USHBP1: variants seen among roughly 807,000 people sequenced by gnomAD.
USHBP1 encodes harmonin-binding protein USHBP1.
USHBP1 carries 67 observed loss-of-function variants against 76.2 expected under a neutral mutation model. That is an observed-to-expected ratio of 0.88 (90% CI 0.72 to 1.08). The LOEUF (loss-of-function observed/expected upper bound fraction) is 1.08, where lower values mean the gene tolerates loss of function less well. Ranked by LOEUF, USHBP1 falls within the 50% of genes least tolerant of loss-of-function variation. USHBP1 has a pLI of 0.00. For missense variants in USHBP1, 931 were observed against 915.0 expected, an observed-to-expected ratio of 1.02 and a Z score of -0.23; for synonymous variants, 322 against 362.2, an observed-to-expected ratio of 0.89 and a Z score of 1.26.
At chr19:17,263,766 G>GA (rs2073718919) in intron 3 of USHBP1, 2 of 493,792 alleles carry the variant, frequency 4.1e-6, no homozygotes, top group South Asian at 7.8e-5. Context: ...CAACTACTCA[G>GA]GAAGCTGAGG....
intron 7 of USHBP1, 64 bp from the exon 8 acceptor site, chr19:17,258,449 C>G (rs2073648282): frequency 1.9e-6 from 3 of 1,556,474 alleles, no homozygotes; most frequent in Middle Eastern, 2.0e-4. Flanking sequence ...TGGCCCTCAC[C>G]TGTAGTCCCA....
chr19:17,259,232 T>C (rs1214531133), intron 7 of USHBP1, 57 bp downstream of exon 7: 2 of 1,543,596 alleles, frequency 1.3e-6, no homozygotes, highest in Non-Finnish European at 1.7e-6. Context: ...ATTGGGGCCA[T>C]CCTCAGAAAG....
chr19:17,254,656 C>CAA (rs77870417), intron 10 of USHBP1, among the ~76,000 whole-genome samples: 2 of 124,090 alleles, frequency 1.6e-5, no homozygotes, highest in African/African-American at 3.0e-5. Flanking sequence ...AACTCTGTCT[C>CAA]AAAAAAAAAA....
intron 1 of USHBP1, 27 bp from the exon 2 acceptor site, chr19:17,264,374 T>G: frequency 6.7e-7 from 1 of 1,483,036 alleles, no homozygotes; most frequent in Non-Finnish European, 9.1e-7. Context: ...CCATGAGCTC[T>G]TGCCTTTGTT....
rs201528202 is a variant in USHBP1 at position 17,256,476 on chromosome 19, C to A, written c.1465G>T (p.Ala489Ser). ...TGGCCACAGCCCATTTGTACCCTTG[C>A]GGCCACCAGGTCCTGCTGAATTTGT... ...KTQIQQDLVA[A>S]REALADLMLR... The change falls in exon 9 of 13, where the codon GCA (alanine) becomes TCA (serine). Residue 489 changes from alanine to serine, a missense_variant. Transcript: ENST00000252597. The A allele has an allele frequency of 9.3e-6, 15 of 1,613,268 alleles. No homozygotes were observed. The highest frequency in any genetic ancestry group is 1.2e-5 in the Non-Finnish European group (14 of 1,180,008).
rs150517308 is a variant in USHBP1, at chr19:17,258,402, C to G, written c.1047-17G>C. 3.5e-3 allele frequency: 5,567 copies of G among 1,609,094 alleles called. 21 individuals carry two copies. Among genetic ancestry groups the G allele is most frequent in the Middle Eastern group, 0.012 (70 of 5,950 alleles). On this transcript the variant is annotated splice_polypyrimidine_tract_variant and intron_variant, in intron 7 of 12. Coordinates refer to ENST00000252597, the MANE Select transcript of USHBP1 (RefSeq NM_031941.4). The stretch of plus-strand genomic sequence containing the variant: ...CAGTGTTCACTGTGGGACACTGGTT[C>G]TGAGTGCTTCAGGACACTCAGCTCG...
At position 17,264,714 on chromosome 19, in the gene USHBP1, C is replaced by G; in HGVS notation, c.-92G>C. The G allele has an allele frequency of 4.9e-6, 1 of 205,322 alleles. No individual in the cohort carries two copies. The highest frequency in any genetic ancestry group is 1.0e-5 in the Non-Finnish European group (1 of 100,428). 12.7% of individuals were successfully genotyped at this position (205,322 alleles called of 1,614,324 possible). Reference sequence around the variant, plus strand: ...GTAACTTGATCAGAGGCCTGAGTCCCGGGACACTCTGTTGGGGTCACTCTG... The same window carrying G: ...GTAACTTGATCAGAGGCCTGAGTCCGGGGACACTCTGTTGGGGTCACTCTG... On this transcript the variant is annotated 5_prime_UTR_variant, in exon 1 of 13. Coordinates refer to ENST00000252597, the MANE Select transcript of USHBP1 (RefSeq NM_031941.4).
chr19:17,250,861 T>C (rs1188293178), intron 12 of USHBP1, among the ~76,000 whole-genome samples: 1 of 150,150 alleles, frequency 6.7e-6, no homozygotes, highest in Non-Finnish European at 1.5e-5. Flanking sequence ...GCCTGTTTTT[T>C]CTTGTTGTTG....
intron 10 of USHBP1, among the ~76,000 whole-genome samples, chr19:17,254,641 A>T (rs1187705872): frequency 6.6e-6 from 1 of 150,678 alleles, no homozygotes; most frequent in East Asian, 2.0e-4. Context: ...GGGCAACAAG[A>T]GCAAAACTCT....
chr19:17,250,834 G>T (rs556824030), intron 12 of USHBP1, among the ~76,000 whole-genome samples: 3 of 151,962 alleles, frequency 2.0e-5, no homozygotes, highest in African/African-American at 7.3e-5. Flanking sequence ...GATTACAGGC[G>T]TGAGCCACCA....
chr19:17,259,769 C>A (rs754428559), intron 5 of USHBP1, 37 bp from the exon 6 acceptor site: 2 of 1,584,476 alleles, frequency 1.3e-6, no homozygotes, highest in South Asian at 2.3e-5. Context: ...CCCCAATTGT[C>A]ACCAAGAGCC....
intron 12 of USHBP1, among the ~76,000 whole-genome samples, chr19:17,250,740 G>T (rs118135411): frequency 0.057 from 8,668 of 152,014 alleles, 347 homozygotes; most frequent in Middle Eastern, 0.19. Context: ...TTTTAATAGA[G>T]ACAGGGTTTG....
chr19:17,255,576 G>T lies in USHBP1; in HGVS notation c.1501C>A (p.Gln501Lys). The T allele has an allele frequency of 1.2e-6, 2 of 1,612,384 alleles. No homozygotes were observed. The highest frequency in any genetic ancestry group is 1.7e-6 in the Non-Finnish European group (2 of 1,179,030). ...EALADLMLRL[Q>K]LVRREKRGLE... Reference sequence around the variant, plus strand: ...CCCCGCTTCTCACGCCGCACCAGCTGCAGCCGAAGCATCAGGTCCGCCAGG... The same window carrying T: ...CCCCGCTTCTCACGCCGCACCAGCTTCAGCCGAAGCATCAGGTCCGCCAGG... Residue 501 changes from glutamine (Q) to lysine (K), a missense_variant, in exon 10 of 13, where the codon CAG becomes AAG. Coordinates refer to ENST00000252597, the MANE Select transcript of USHBP1 (RefSeq NM_031941.4).
chr19:17,250,353 C>G lies in USHBP1; in HGVS notation c.1984G>C (p.Glu662Gln). The change falls in exon 13 of 13, where the codon GAG becomes CAG. Residue 662 changes from glutamate to glutamine, a missense_variant. Glu to Gln is a conservative substitution (Grantham distance 29). Transcript: ENST00000252597. The part of the protein sequence containing the change: ...RKQEEQRRKL[E>Q]QQMALMEAQQ... ...GCCTCCATGAGTGCCATCTGCTGCT[C>G]CAACTTCCGGCGTTGCTCTTCCTGC... 1 of 1,613,838 alleles carries G rather than the reference C, an allele frequency of 6.2e-7. No homozygotes were observed. Among genetic ancestry groups the G allele is most frequent in the Non-Finnish European group, 8.5e-7 (1 of 1,179,958 alleles).
rs201874448 is a variant in USHBP1 at position 17,259,660 on chromosome 19, G to C, written c.841C>G (p.Leu281Val). The C allele has an allele frequency of 3.1e-6, 5 of 1,614,108 alleles. No homozygotes were observed. In the East Asian group the frequency reaches 8.9e-5, roughly 29 times the overall value. ...SHSSTQILGS[L>V]PNQPLSPEMH... is the part of the protein sequence containing the mutation. ...TCAGGACTGAGGGGCTGGTTGGGAAGAGACCCAAGGATCTGGGTGCTGGAA... is the reference window on the plus strand; with the variant it reads ...TCAGGACTGAGGGGCTGGTTGGGAACAGACCCAAGGATCTGGGTGCTGGAA... The change falls in exon 6 of 13, where the codon CTT (leucine) becomes GTT (valine). Residue 281 changes from leucine (L) to valine (V), a missense_variant. Physicochemically the swap from Leu to Val is conservative, Grantham distance 32 (BLOSUM62 1). Transcript: ENST00000252597.
At chr19:17,263,101 G>C in intron 3 of USHBP1, 111 bp from the exon 4 acceptor site, 3 of 1,157,304 alleles carry the variant, frequency 2.6e-6, no homozygotes, top group South Asian at 2.3e-5. Context: ...GCAGTGGCGC[G>C]ATCTCGGCTC....
intron 6 of USHBP1, 50 bp downstream of exon 6, chr19:17,259,546 G>T (rs2073662606): frequency 6.2e-7 from 1 of 1,602,374 alleles, no homozygotes. Flanking sequence ...TTATAACTCA[G>T]TTGGAGGAGG....
At chr19:17,264,519 G>A in intron 1 of USHBP1, 152 bp downstream of exon 1, 1 of 577,802 alleles carries the variant, frequency 1.7e-6, no homozygotes, top group South Asian at 2.2e-5. Context: ...CACTACCTAA[G>A]AAGGTTGTCC....
chr19:17,264,314 C>G lies in USHBP1; in HGVS notation c.-15G>C, dbSNP rs1172448252. On this transcript the variant is annotated 5_prime_UTR_variant, in exon 2 of 13. Coordinates refer to ENST00000252597, the MANE Select transcript of USHBP1 (RefSeq NM_031941.4). ...CGGGCACTCATTGCTGTCCAGAAGC[C>G]AGTGCCCTCTGAATGCTTCTCCTTC... 3.1e-6 allele frequency: 5 copies of G among 1,607,432 alleles called. No individual in the cohort carries two copies. Among genetic ancestry groups the G allele is most frequent in the Non-Finnish European group, 4.2e-6 (5 of 1,177,704 alleles).
Sources: gnomAD v4.1 joint callset for allele counts (sites outside exome capture counted in the v4.1 genomes callset) on GRCh38, gnomAD v4.1.1 for gene constraint, MANE v1.5 for transcripts, NCBI Gene and HGNC (gene_info 2026-07-23, HGNC 2026-07-21) for gene names.